XIRP2: variants seen among roughly 807,000 people sequenced by gnomAD.
The protein encoded by XIRP2 is xin actin binding repeat containing 2, also known as xin actin-binding repeat-containing protein 2.
Under a neutral mutation model 277.0 loss-of-function variants are expected in XIRP2, and 236 were observed. The observed-to-expected ratio is 0.85, with a 90% CI of 0.77 to 0.95. XIRP2 has a LOEUF of 0.95. Among genes scored for constraint, XIRP2 ranks in the 40% least tolerant of loss-of-function variants. XIRP2 has a pLI of 0.00. For missense variants in XIRP2, 4,640 were observed against 4,157.5 expected (o/e 1.12, Z -3.19); for synonymous variants, 1,490 against 1,416.5 (o/e 1.05, Z -1.17).
At chr2:167,015,436 A>G (rs1687795171) in intron 2 of XIRP2, among the ~76,000 whole-genome samples, 1 of 151,016 alleles carries the variant, frequency 6.6e-6, no homozygotes, top group Non-Finnish European at 1.5e-5. Context: ...CTATCTATCT[A>G]TCTATCTATC....
intron 2 of XIRP2, among the ~76,000 whole-genome samples, chr2:167,006,382 G>A (rs1461539302): frequency 6.6e-6 from 1 of 151,760 alleles, no homozygotes; most frequent in East Asian, 1.9e-4. Context: ...AAGGTGGGGA[G>A]AAAAGTCTGC....
intron 3 of XIRP2, among the ~76,000 whole-genome samples, chr2:167,173,418 A>G (rs1039636260): frequency 3.3e-5 from 5 of 152,184 alleles, no homozygotes; most frequent in African/African-American, 1.2e-4. Flanking sequence ...CACTTCACAT[A>G]GTGACCTCCA....
At chr2:166,964,399 T>C (rs1173294415) in intron 2 of XIRP2, among the ~76,000 whole-genome samples, 1 of 151,876 alleles carries the variant, frequency 6.6e-6, no homozygotes, top group African/African-American at 2.4e-5. Context: ...TCTAGCTCTA[T>C]ATTTTTTTAA....
chr2:166,995,328 ACGTTAGTGACCT>A (rs1056371060), intron 2 of XIRP2, among the ~76,000 whole-genome samples: 6 of 152,246 alleles, frequency 3.9e-5, no homozygotes, highest in African/African-American at 1.4e-4. Context: ...TAAGGCAAAA[ACGTTAGTGACCT>A]CTTTTCTCTA....
chr2:166,896,798 C>A (rs1684255135), intron 1 of XIRP2, among the ~76,000 whole-genome samples: 1 of 152,232 alleles, frequency 6.6e-6, no homozygotes, highest in East Asian at 1.9e-4. Context: ...AGAGCAACTT[C>A]TAGTCCTGCA....
At chr2:167,083,033 A>G (rs1404301276) in intron 2 of XIRP2, among the ~76,000 whole-genome samples, 2 of 152,160 alleles carry the variant, frequency 1.3e-5, no homozygotes, top group Non-Finnish European at 2.9e-5. Flanking sequence ...CTATGTCCTG[A>G]ATGGTAATGC....
intron 2 of XIRP2, among the ~76,000 whole-genome samples, chr2:166,914,975 A>T (rs1301741498): frequency 6.6e-6 from 1 of 152,080 alleles, no homozygotes; most frequent in African/African-American, 2.4e-5. Flanking sequence ...TCAGAAGAAG[A>T]AGTTTATTTG....
At position 167,248,531 on chromosome 2, in the gene XIRP2, T is replaced by C; in HGVS notation, c.7139T>C (p.Leu2380Pro). The change falls in exon 9 of 11, where the codon CTT becomes CCT. Residue 2380 changes from leucine (L) to proline (P), a missense_variant. Physicochemically the swap from Leu to Pro is moderately conservative, Grantham distance 98. Transcript: ENST00000409195. ...CCATCTCAAAAGCCAGCACATCTCC[T>C]TTCCTCCTCTGCTCCGGAAAAGCAC... ...PTPSQKPAHL[L>P]SSSAPEKHSG... 6.2e-7 allele frequency: 1 copy of C among 1,613,676 alleles called. No individual in the cohort carries two copies. The highest frequency in any genetic ancestry group is 1.1e-5 in the South Asian group (1 of 91,074).
intron 2 of XIRP2, among the ~76,000 whole-genome samples, chr2:167,108,657 A>G (rs1417732185): frequency 6.6e-6 from 1 of 152,096 alleles, no homozygotes; most frequent in Non-Finnish European, 1.5e-5. Context: ...GATCAGAGGA[A>G]AATATAAAAC....
At chr2:167,187,474 A>C (rs1278958804) in intron 3 of XIRP2, 2 of 985,256 alleles carry the variant, frequency 2.0e-6, no homozygotes, top group Non-Finnish European at 1.2e-6. Flanking sequence ...TCTGTGAAGA[A>C]CTATAAAGAT....
At chr2:166,985,253 C>T (rs1163056920) in intron 2 of XIRP2, among the ~76,000 whole-genome samples, 3 of 152,116 alleles carry the variant, frequency 2.0e-5, no homozygotes, top group African/African-American at 7.2e-5. Context: ...AGCTAACAGA[C>T]AGGTTGGAGA....
chr2:167,135,826 T>C, intron 2 of XIRP2, 83 bp from the exon 3 acceptor site: 1 of 1,291,968 alleles, frequency 7.7e-7, no homozygotes, highest in Non-Finnish European at 1.0e-6. Flanking sequence ...CCTCTTTCAT[T>C]TCTGCCTTCT....
In XIRP2 at chr2:167,246,532, A is replaced by G. The variant is rs1464217349; in HGVS notation, c.5140A>G (p.Lys1714Glu). 1 of 1,613,732 alleles carries G rather than the reference A, an allele frequency of 6.2e-7. No homozygotes were observed. Among genetic ancestry groups the G allele is most frequent in the East Asian group, 2.2e-5 (1 of 44,832 alleles). ...TGAAGAAGTAATAGGTGGTGATGTCAAACGTACCATTCATAATTTATTGTC... is the reference window on the plus strand; with the variant it reads ...TGAAGAAGTAATAGGTGGTGATGTCGAACGTACCATTCATAATTTATTGTC... ...EREEVIGGDV[K>E]RTIHNLLSST... is the part of the protein sequence containing the mutation. The change falls in exon 9 of 11, where the codon AAA becomes GAA. Residue 1714 changes from lysine to glutamate, a missense_variant. Lys to Glu is a moderately conservative substitution (Grantham distance 56). Transcript: ENST00000409195.
At chr2:166,948,498 C>T (rs1574106231) in intron 2 of XIRP2, among the ~76,000 whole-genome samples, 1 of 152,054 alleles carries the variant, frequency 6.6e-6, no homozygotes, top group East Asian at 1.9e-4. Flanking sequence ...GTCAAACCCA[C>T]TTTATGTACC....
chr2:166,949,251 G>A (rs1574106783), intron 2 of XIRP2, among the ~76,000 whole-genome samples: 1 of 151,996 alleles, frequency 6.6e-6, no homozygotes, highest in Non-Finnish European at 1.5e-5. Context: ...TAGCCCTGGA[G>A]CAAACTGCTT....
rs1392417185 is a variant in XIRP2, at chr2:167,246,681, A to G, written c.5289A>G (p.Thr1763=). ...TGGATTATCTGAAACAACTCCACACAGAGTCAAATGAAACACTGACAGCTA... is the reference window on the plus strand; with the variant it reads ...TGGATTATCTGAAACAACTCCACACGGAGTCAAATGAAACACTGACAGCTA... The part of the protein sequence containing the change: ...GALDYLKQLH[T]ESNETLTAKK... The change falls in exon 9 of 11, where the codon ACA becomes ACG. Residue 1763 remains threonine, a synonymous_variant. Transcript: ENST00000409195. 2 of 1,613,782 alleles carry G rather than the reference A, an allele frequency of 1.2e-6. No individual in the cohort carries two copies. Among genetic ancestry groups the G allele is most frequent in the South Asian group, 2.2e-5 (2 of 91,072 alleles).
Position 166,913,811 on chromosome 2 carries a change from G to A in XIRP2, c.408+9921G>A, listed in dbSNP as rs1684785526. ...TTTAACTAAATACATGCAAAAATCA[G>A]GATCATTTAATGTATCATGAATTAA... On this transcript the variant is annotated intron_variant, in intron 2 of 10. Transcript: ENST00000409195. 2.0e-5 allele frequency among the ~76,000 whole-genome samples: 3 copies of A among 152,118 alleles called. No individual in the cohort carries two copies. In the South Asian group the frequency reaches 6.2e-4, roughly 31 times the overall value.
intron 2 of XIRP2, among the ~76,000 whole-genome samples, chr2:167,001,367 G>C (rs999558359): frequency 1.3e-5 from 2 of 152,112 alleles, no homozygotes; most frequent in East Asian, 3.9e-4. Context: ...CAGATTCTGA[G>C]TTAGGATAAA....
intron 5 of XIRP2, among the ~76,000 whole-genome samples, chr2:167,225,368 A>G (rs1694565114): frequency 6.6e-6 from 1 of 152,152 alleles, no homozygotes; most frequent in South Asian, 2.1e-4. Flanking sequence ...GTGGTTTCTC[A>G]GCACATTTTA....
Sources: allele counts gnomAD v4.1 joint callset (sites outside exome capture counted in the v4.1 genomes callset), GRCh38; gene constraint gnomAD v4.1.1; transcripts MANE v1.5; gene names NCBI Gene and HGNC (gene_info 2026-07-23, HGNC 2026-07-21).